NSMCE2: variants seen among roughly 807,000 people sequenced by gnomAD.
NSMCE2 encodes E3 SUMO-protein ligase NSE2.
NSMCE2 carries 24 observed loss-of-function variants against 23.8 expected under a neutral mutation model. That is an observed-to-expected ratio of 1.01 (90% CI 0.73 to 1.42). NSMCE2 has a LOEUF of 1.42. Ranked by LOEUF, NSMCE2 falls within the 40% of genes most tolerant of loss-of-function variation. The pLI is 0.00. For missense variants in NSMCE2, 284 were observed against 296.5 expected (o/e 0.96, Z 0.31); for synonymous variants, 92 against 94.1 (o/e 0.98, Z 0.13).
Position 125,101,900 on chromosome 8 carries a change from C to T in NSMCE2, c.-110-151C>T, listed in dbSNP as rs562709848. ...TATGCATATATGTTGGATAGTTTAACGATTACAGGTTTTCAAAATAGTTTA... is the reference window on the plus strand; with the variant it reads ...TATGCATATATGTTGGATAGTTTAATGATTACAGGTTTTCAAAATAGTTTA... On this transcript the variant is annotated intron_variant, in intron 1 of 7. Transcript: ENST00000287437. 19 of 154,118 alleles carry T rather than the reference C, an allele frequency of 1.2e-4. No individual in the cohort carries two copies. The South Asian group carries it at 2.8e-3, about 23-fold the overall frequency. The allele number at this position is 154,118 out of a possible 1,614,324, so 9.5% of individuals were successfully genotyped here.
At chr8:125,347,500 T>C (rs566144521) in intron 5 of NSMCE2, among the ~76,000 whole-genome samples, 2 of 152,356 alleles carry the variant, frequency 1.3e-5, no homozygotes, top group East Asian at 3.9e-4. Flanking sequence ...CCAGACCCGA[T>C]CTTATTCCTC....
intron 7 of NSMCE2, among the ~76,000 whole-genome samples, chr8:125,360,130 T>C (rs1813465714): frequency 2.0e-5 from 3 of 152,170 alleles, no homozygotes; most frequent in Admixed American, 2.0e-4. Context: ...TGTCATTTGC[T>C]CATTAGCCTC....
chr8:125,095,181 G>A (rs1004182766), intron 1 of NSMCE2, among the ~76,000 whole-genome samples: 2 of 152,124 alleles, frequency 1.3e-5, no homozygotes, highest in Non-Finnish European at 2.9e-5. Context: ...CATGTGCCTA[G>A]TGCCTATCAT....
chr8:125,288,991 A>G (rs556819646), intron 5 of NSMCE2, among the ~76,000 whole-genome samples: 3 of 151,974 alleles, frequency 2.0e-5, no homozygotes, highest in Non-Finnish European at 4.4e-5. Context: ...AGAGATGGTC[A>G]GTGTTGACCA....
intron 5 of NSMCE2, among the ~76,000 whole-genome samples, chr8:125,262,147 C>G (rs536335574): frequency 6.8e-6 from 1 of 147,872 alleles, no homozygotes; most frequent in East Asian, 2.0e-4. Context: ...TTGTATAGGC[C>G]GGGTGCGATG....
intron 3 of NSMCE2, among the ~76,000 whole-genome samples, chr8:125,140,207 C>T (rs1438087504): frequency 6.6e-6 from 1 of 152,102 alleles, no homozygotes; most frequent in Non-Finnish European, 1.5e-5. Context: ...TTGGGGAAAC[C>T]CCATGATTCA....
At chr8:125,257,143 G>A (rs184908861) in intron 5 of NSMCE2, among the ~76,000 whole-genome samples, 184 of 151,616 alleles carry the variant, frequency 1.2e-3, no homozygotes, top group African/African-American at 4.4e-3. Context: ...AATTAGTCAG[G>A]CGTGGTGGCA....
intron 5 of NSMCE2, among the ~76,000 whole-genome samples, chr8:125,273,135 T>C (rs1340810656): frequency 3.9e-5 from 6 of 152,210 alleles, no homozygotes; most frequent in Non-Finnish European, 8.8e-5. Flanking sequence ...AAAAGGCCAG[T>C]GACTTCCTTG....
intron 5 of NSMCE2, among the ~76,000 whole-genome samples, chr8:125,345,879 G>A (rs147718327): frequency 3.0e-4 from 46 of 152,342 alleles, no homozygotes; most frequent in African/African-American, 1.0e-3. Context: ...TGGTCAGCCA[G>A]GCATGGTGGT....
intron 5 of NSMCE2, among the ~76,000 whole-genome samples, chr8:125,226,466 C>T (rs1206653741): frequency 6.6e-6 from 1 of 152,020 alleles, no homozygotes; most frequent in Non-Finnish European, 1.5e-5. Flanking sequence ...AGGTGTACAG[C>T]TGCTCTTCTT....
chr8:125,170,402 T>C, intron 4 of NSMCE2, among the ~76,000 whole-genome samples: 1 of 109,826 alleles, frequency 9.1e-6, no homozygotes, highest in African/African-American at 3.9e-5. Flanking sequence ...TTTTTTTTTT[T>C]TTTTTTTTTT....
rs1013508733 is a variant in NSMCE2 at position 125,182,463 on chromosome 8, C to G, written c.418+207C>G. The G allele has an allele frequency of 5.3e-6, 3 of 571,272 alleles. No homozygotes were observed. In the African/African-American group the frequency reaches 5.9e-5, roughly 11 times the overall value. 35.4% of individuals were successfully genotyped at this position (571,272 alleles called of 1,614,324 possible). ...GCTCATTTCTGAAAGCCAACAGTTT[C>G]CACAAAGTGCTCAGAAAATTTCCCA... On this transcript the variant is annotated intron_variant, in intron 5 of 7. Transcript: ENST00000287437.
intron 5 of NSMCE2, among the ~76,000 whole-genome samples, chr8:125,303,414 G>A (rs1164593342): frequency 2.0e-5 from 3 of 152,208 alleles, no homozygotes; most frequent in African/African-American, 7.2e-5. Context: ...CTTAACTCAT[G>A]CTGCACGAAT....
chr8:125,097,796 G>A (rs1007315097), intron 1 of NSMCE2, among the ~76,000 whole-genome samples: 1 of 152,170 alleles, frequency 6.6e-6, no homozygotes, highest in Non-Finnish European at 1.5e-5. Context: ...AAGGTTATAT[G>A]AAATGTATGA....
intron 1 of NSMCE2, among the ~76,000 whole-genome samples, chr8:125,094,266 T>C (rs1817823758): frequency 6.6e-6 from 1 of 152,220 alleles, no homozygotes; most frequent in Non-Finnish European, 1.5e-5. Context: ...TGCAAGATAG[T>C]CACTAACAAA....
chr8:125,098,083 C>T (rs1818017920), intron 1 of NSMCE2, among the ~76,000 whole-genome samples: 1 of 152,148 alleles, frequency 6.6e-6, no homozygotes, highest in South Asian at 2.1e-4. Flanking sequence ...ATTCTTGGAT[C>T]AGCAAAATCT....
intron 4 of NSMCE2, among the ~76,000 whole-genome samples, chr8:125,158,784 T>C (rs1563686938): frequency 2.6e-5 from 4 of 152,196 alleles, no homozygotes; most frequent in Non-Finnish European, 4.4e-5. Flanking sequence ...TCCCCACTAA[T>C]TGGCAGTGGT....
intron 5 of NSMCE2, among the ~76,000 whole-genome samples, chr8:125,255,520 G>A (rs576623747): frequency 4.3e-4 from 66 of 152,198 alleles, no homozygotes; most frequent in African/African-American, 1.4e-3. Flanking sequence ...AAAGGGTGGC[G>A]TGTTCTAGGC....
At chr8:125,296,598 G>A (rs1017439513) in intron 5 of NSMCE2, among the ~76,000 whole-genome samples, 13 of 151,984 alleles carry the variant, frequency 8.6e-5, no homozygotes, top group Admixed American at 7.2e-4. Flanking sequence ...GGTTTCACAC[G>A]TTGGCCAGGC....
Sources: gnomAD v4.1 joint callset for allele counts (sites outside exome capture counted in the v4.1 genomes callset) on GRCh38, gnomAD v4.1.1 for gene constraint, MANE v1.5 for transcripts, NCBI Gene and HGNC (gene_info 2026-07-23, HGNC 2026-07-21) for gene names.